NRXN1: variants seen among roughly 807,000 people sequenced by gnomAD.
The protein encoded by NRXN1 is neurexin 1, also known as neurexin-1.
NRXN1 carries 39 observed loss-of-function variants against 150.9 expected under a neutral mutation model. That is an observed-to-expected ratio of 0.26 (90% confidence interval 0.20 to 0.34). The LOEUF is 0.34. NRXN1 is among the 10% of genes least tolerant of loss of function. The pLI, the probability that NRXN1 is intolerant of heterozygous loss-of-function variation, is 1.00. For missense variants in NRXN1, 1,815 were observed against 1,949.9 expected, an observed-to-expected ratio of 0.93 and a Z score of 1.30; for synonymous variants, 924 against 757.0, an observed-to-expected ratio of 1.22 and a Z score of -3.62.
chr2:50,893,876 G>A (rs993280468), intron 5 of NRXN1, among the ~76,000 whole-genome samples: 2 of 152,082 alleles, frequency 1.3e-5, no homozygotes, highest in Non-Finnish European at 1.5e-5. Context: ...TCTTGTGATA[G>A]TTTACTGAGA....
At chr2:50,461,025 T>C (rs903027079) in intron 17 of NRXN1, among the ~76,000 whole-genome samples, 23 of 152,116 alleles carry the variant, frequency 1.5e-4, no homozygotes, top group African/African-American at 5.5e-4. Flanking sequence ...TTTTTAAAAA[T>C]ATATGTTATG....
chr2:50,494,859 C>G (rs1304155764), intron 15 of NRXN1, among the ~76,000 whole-genome samples: 1 of 151,886 alleles, frequency 6.6e-6, no homozygotes, highest in Non-Finnish European at 1.5e-5. Flanking sequence ...ACGGCAAAAA[C>G]CTGTCTCTAC....
chr2:50,124,658 A>G lies in NRXN1; in HGVS notation c.3547-33164T>C, dbSNP rs535983174. Among the ~76,000 whole-genome samples, 7 of 152,174 alleles carry G rather than the reference A, an allele frequency of 4.6e-5. No individual in the cohort carries two copies. In the South Asian group the frequency reaches 1.0e-3, roughly 23 times the overall value. Reference sequence around the variant, plus strand: ...CCTTCCTCCACCCCAACCCCTGACAATCATTCATCAGACTTACCTCCCTGC... The same window carrying G: ...CCTTCCTCCACCCCAACCCCTGACAGTCATTCATCAGACTTACCTCCCTGC... On this transcript the variant is annotated intron_variant, in intron 18 of 22. Transcript: ENST00000401669.
At chr2:49,968,735 C>T (rs1412699652) in intron 21 of NRXN1, among the ~76,000 whole-genome samples, 1 of 152,034 alleles carries the variant, frequency 6.6e-6, no homozygotes, top group Non-Finnish European at 1.5e-5. Flanking sequence ...TCCAAGCTAC[C>T]TTGAAATATA....
In NRXN1 at chr2:50,913,717, T is replaced by C. The variant is rs142116045; in HGVS notation, c.832+8152A>G. 7.9e-5 allele frequency among the ~76,000 whole-genome samples: 12 copies of C among 151,860 alleles called. No individual in the cohort carries two copies. In the Middle Eastern group the frequency reaches 0.017, roughly 215 times the overall value. On this transcript the variant is annotated intron_variant, in intron 5 of 22. Transcript: ENST00000401669. ...GAGAGTACTTCAGCTGCTCCTATTGTGAATGGACTATCATGGGGTCGTAGG... is the reference window on the plus strand; with the variant it reads ...GAGAGTACTTCAGCTGCTCCTATTGCGAATGGACTATCATGGGGTCGTAGG...
intron 5 of NRXN1, among the ~76,000 whole-genome samples, chr2:50,646,402 T>C (rs1192311165): frequency 6.6e-6 from 1 of 152,000 alleles, no homozygotes; most frequent in East Asian, 1.9e-4. Flanking sequence ...TCAATTTGTT[T>C]AGTGACTGGG....
intron 5 of NRXN1, among the ~76,000 whole-genome samples, chr2:50,704,900 A>G (rs2104992157): frequency 6.6e-6 from 1 of 152,124 alleles, no homozygotes; most frequent in African/African-American, 2.4e-5. Flanking sequence ...TCTCACGAAA[A>G]CCTGTGAGTT....
intron 21 of NRXN1, among the ~76,000 whole-genome samples, chr2:49,984,861 C>T (rs1680636847): frequency 6.6e-6 from 1 of 152,152 alleles, no homozygotes; most frequent in South Asian, 2.1e-4. Context: ...CACATGTCCA[C>T]CTAAGGACAC....
chr2:50,743,587 T>A (rs1039448109), intron 5 of NRXN1, among the ~76,000 whole-genome samples: 1 of 152,158 alleles, frequency 6.6e-6, no homozygotes, highest in African/African-American at 2.4e-5. Context: ...GAAAGGTAAT[T>A]TGCAGATGAA....
chr2:50,804,185 C>G (rs536868100), intron 5 of NRXN1, among the ~76,000 whole-genome samples: 2 of 152,074 alleles, frequency 1.3e-5, no homozygotes, highest in Non-Finnish European at 2.9e-5. Context: ...ATGAAATTTT[C>G]AAATTTTATT....
chr2:50,322,256 G>A (rs1272062462), intron 17 of NRXN1, among the ~76,000 whole-genome samples: 1 of 152,014 alleles, frequency 6.6e-6, no homozygotes, highest in Admixed American at 6.6e-5. Context: ...CATTTATAAA[G>A]GTGAGAACAA....
At chr2:50,299,703 T>G (rs1359205613) in intron 17 of NRXN1, among the ~76,000 whole-genome samples, 1 of 152,212 alleles carries the variant, frequency 6.6e-6, no homozygotes, top group East Asian at 1.9e-4. Flanking sequence ...GGAAGAAATG[T>G]AGTTAATCTG....
intron 5 of NRXN1, among the ~76,000 whole-genome samples, chr2:50,770,110 CTTGACAGGTGAACA>C (rs1366386503): frequency 6.6e-6 from 1 of 151,968 alleles, no homozygotes; most frequent in Non-Finnish European, 1.5e-5. Context: ...TTTTGTTGCC[CTTGACAGGTGAACA>C]AGATTTGTCA....
intron 2 of NRXN1, among the ~76,000 whole-genome samples, chr2:50,959,687 A>C (rs938390816): frequency 1.3e-5 from 2 of 152,054 alleles, no homozygotes; most frequent in Non-Finnish European, 2.9e-5. Context: ...CAATCTTCGG[A>C]ATATGCTAAA....
At chr2:50,859,400 C>A (rs79552484) in intron 5 of NRXN1, among the ~76,000 whole-genome samples, 8,125 of 151,970 alleles carry the variant, frequency 0.053, 255 homozygotes, top group Non-Finnish European at 0.072. Context: ...CAGTACACTG[C>A]ATGATTTTAT....
At chr2:50,127,953 A>T (rs1704855817) in intron 18 of NRXN1, among the ~76,000 whole-genome samples, 1 of 152,202 alleles carries the variant, frequency 6.6e-6, no homozygotes, top group Non-Finnish European at 1.5e-5. Context: ...CCTACTGAAA[A>T]CAACTTTCCT....
chr2:50,119,245 T>C (rs72878133), intron 18 of NRXN1, among the ~76,000 whole-genome samples: 2,927 of 152,282 alleles, frequency 0.019, 83 homozygotes, highest in African/African-American at 0.067. Context: ...GCTAGGTATA[T>C]TGAAAATCTT....
chr2:50,383,244 T>C (rs1327446868), intron 17 of NRXN1, among the ~76,000 whole-genome samples: 2 of 152,136 alleles, frequency 1.3e-5, no homozygotes, highest in African/African-American at 4.8e-5. Context: ...TCATTCAGTA[T>C]TGAATTGACC....
At chr2:50,794,728 G>A (rs1706550356) in intron 5 of NRXN1, among the ~76,000 whole-genome samples, 1 of 152,088 alleles carries the variant, frequency 6.6e-6, no homozygotes, top group Non-Finnish European at 1.5e-5. Context: ...AAATGCGAAT[G>A]GAACACTGTC....
Sources: gnomAD v4.1 joint callset for allele counts (sites outside exome capture counted in the v4.1 genomes callset) on GRCh38, gnomAD v4.1.1 for gene constraint, MANE v1.5 for transcripts, NCBI Gene and HGNC (gene_info 2026-07-23, HGNC 2026-07-21) for gene names.